The following PCNX2 variants were observed in gnomAD, a reference collection of about 807,000 sequenced individuals.
PCNX2 encodes the protein pecanex 2.
A neutral mutation model predicts 223.8 loss-of-function variants in PCNX2; 168 were observed. The observed-to-expected ratio is 0.75, with a 90% CI of 0.66 to 0.85. The LOEUF (loss-of-function observed/expected upper bound fraction) is 0.85, where lower values mean the gene tolerates loss of function less well. Ranked by LOEUF, PCNX2 falls within the 40% of genes least tolerant of loss-of-function variation. The pLI is 0.00. For synonymous variants in PCNX2, 1,006 were observed against 1,052.6 expected, an observed-to-expected ratio of 0.96 and a Z score of 0.86; for missense variants, 2,507 against 2,675.5, an observed-to-expected ratio of 0.94 and a Z score of 1.39.
At chr1:233,087,158 A>G (rs1176459953) in intron 23 of PCNX2, 10 of 985,428 alleles carry the variant, frequency 1.0e-5, no homozygotes, top group Non-Finnish European at 1.2e-5. Flanking sequence ...AAGTATTAAA[A>G]TGGTTTTGTT....
intron 8 of PCNX2, among the ~76,000 whole-genome samples, chr1:233,240,473 C>T (rs1438564162): frequency 6.6e-6 from 1 of 152,160 alleles, no homozygotes; most frequent in Non-Finnish European, 1.5e-5. Context: ...ATTTTCTCTT[C>T]CTCCAAAACA....
chr1:233,260,478 G>A (rs750562066), intron 4 of PCNX2, among the ~76,000 whole-genome samples: 32 of 152,150 alleles, frequency 2.1e-4, no homozygotes, highest in African/African-American at 4.6e-4. Context: ...GAAGCTGTAC[G>A]TGCAACTAAA....
chr1:233,149,264 AG>A (rs373222209), intron 19 of PCNX2, among the ~76,000 whole-genome samples: 46 of 152,318 alleles, frequency 3.0e-4, no homozygotes, highest in African/African-American at 1.1e-3. Context: ...ATTGTCTTAA[AG>A]GGTTTCAGGT....
intron 28 of PCNX2, among the ~76,000 whole-genome samples, chr1:233,008,275 G>C (rs370498153): frequency 8.5e-5 from 13 of 152,218 alleles, no homozygotes; most frequent in Middle Eastern, 3.4e-3. Context: ...AAGAACACTC[G>C]GTAAAGAACA....
At chr1:233,171,073 A>T (rs1028386272) in intron 17 of PCNX2, among the ~76,000 whole-genome samples, 9 of 152,202 alleles carry the variant, frequency 5.9e-5, no homozygotes, top group African/African-American at 1.9e-4. Flanking sequence ...CTTCTCTTGG[A>T]CATTACGAAG....
At chr1:233,058,373 C>T (rs1435778351) in intron 23 of PCNX2, 1 of 152,204 alleles carries the variant, frequency 6.6e-6, no homozygotes, top group Non-Finnish European at 1.5e-5. Context: ...GCCAGCCTAC[C>T]TTTGTCCTTT....
At chr1:233,194,565 T>G (rs1680609942) in intron 15 of PCNX2, among the ~76,000 whole-genome samples, 1 of 152,152 alleles carries the variant, frequency 6.6e-6, no homozygotes, top group South Asian at 2.1e-4. Context: ...ATACATCTCA[T>G]CTAAGAGATC....
chr1:233,179,748 T>TG (rs1389552753), intron 15 of PCNX2, among the ~76,000 whole-genome samples: 2 of 152,226 alleles, frequency 1.3e-5, no homozygotes, highest in Non-Finnish European at 2.9e-5. Flanking sequence ...TTAGCCCAGT[T>TG]AGTTGCTTTG....
chr1:232,992,143 C>G (rs1669725231), intron 32 of PCNX2, among the ~76,000 whole-genome samples: 1 of 152,214 alleles, frequency 6.6e-6, no homozygotes, highest in Non-Finnish European at 1.5e-5. Context: ...TCTCCCCTGT[C>G]TTCTTCCAGC....
At chr1:233,167,972 C>T (rs910232101) in intron 17 of PCNX2, 1 of 329,728 alleles carries the variant, frequency 3.0e-6, no homozygotes, top group African/African-American at 2.2e-5. Flanking sequence ...GTACTGCCCT[C>T]TTCCTTCACG....
At chr1:233,173,136 A>T (rs1264167164) in intron 17 of PCNX2, among the ~76,000 whole-genome samples, 1 of 150,358 alleles carries the variant, frequency 6.7e-6, no homozygotes, top group Admixed American at 6.6e-5. Context: ...GGATAGTCTC[A>T]TACTTTTTTC....
At chr1:233,102,897 C>T (rs1281387131) in intron 21 of PCNX2, among the ~76,000 whole-genome samples, 1 of 152,030 alleles carries the variant, frequency 6.6e-6, no homozygotes, top group Non-Finnish European at 1.5e-5. Context: ...ATTTTGGCCT[C>T]GGTTGTCTGT....
In PCNX2 at chr1:233,225,100, A is replaced by T. The variant is rs147496688; in HGVS notation, c.2504+2126T>A. On this transcript the variant is annotated intron_variant, in intron 10 of 33. Coordinates refer to ENST00000258229, the MANE Select transcript of PCNX2 (RefSeq NM_014801.4). ...CCTGCACGTTCTGCACATGTATCCCAGAACTAAAGTAAAAAAAAAAAAAAA... is the reference window on the plus strand; with the variant it reads ...CCTGCACGTTCTGCACATGTATCCCTGAACTAAAGTAAAAAAAAAAAAAAA... Among the ~76,000 whole-genome samples, 45 of 131,378 alleles carry T rather than the reference A, an allele frequency of 3.4e-4. No individual in the cohort carries two copies. The East Asian group carries it at 0.01, about 31-fold the overall frequency. 86.2% of individuals were successfully genotyped at this position (131,378 alleles called of 152,430 possible). A position where few individuals can be genotyped will look rare whatever the true frequency, so the allele number is the denominator to read the frequency against.
chr1:233,115,394 G>A (rs1675351170), intron 21 of PCNX2, among the ~76,000 whole-genome samples: 1 of 152,098 alleles, frequency 6.6e-6, no homozygotes, highest in Non-Finnish European at 1.5e-5. Flanking sequence ...AAGCTTTAAG[G>A]GAAACCGAAA....
At chr1:233,064,217 T>G (rs977948948) in intron 23 of PCNX2, among the ~76,000 whole-genome samples, 1 of 152,218 alleles carries the variant, frequency 6.6e-6, no homozygotes, top group Non-Finnish European at 1.5e-5. Context: ...AGATATGTCA[T>G]GTCCTTTAAG....
intron 32 of PCNX2, among the ~76,000 whole-genome samples, chr1:232,997,831 A>G (rs888974188): frequency 2.0e-5 from 3 of 152,184 alleles, no homozygotes; most frequent in Admixed American, 1.3e-4. Context: ...AGAATCAGTG[A>G]GAAGCAGGAG....
At chr1:233,223,883 T>A (rs1238385730) in intron 10 of PCNX2, among the ~76,000 whole-genome samples, 1 of 152,182 alleles carries the variant, frequency 6.6e-6, no homozygotes, top group Non-Finnish European at 1.5e-5. Flanking sequence ...TACCTCTCAT[T>A]TTATATCTCA....
At chr1:233,096,417 G>C (rs74442599) in intron 21 of PCNX2, among the ~76,000 whole-genome samples, 2,560 of 152,298 alleles carry the variant, frequency 0.017, 29 homozygotes, top group East Asian at 0.043. Flanking sequence ...ATACAGAAGA[G>C]AGACCTCACA....
chr1:233,311,288 A>G, the PCNX2 span, among the ~76,000 whole-genome samples: 2 of 152,358 alleles, frequency 1.3e-5, no homozygotes, highest in East Asian at 1.9e-4. Context: ...GCAGTTGTTG[A>G]ACAACTAAGG....
Sources: allele counts gnomAD v4.1 joint callset (sites outside exome capture counted in the v4.1 genomes callset), GRCh38; gene constraint gnomAD v4.1.1; transcripts MANE v1.5; gene names NCBI Gene and HGNC (gene_info 2026-07-23, HGNC 2026-07-21).